MRTFA: variants seen among roughly 807,000 people sequenced by gnomAD.
MRTFA encodes the protein myocardin related transcription factor A, also known as myocardin-related transcription factor A.
MRTFA carries 20 observed loss-of-function variants against 83.5 expected under a neutral mutation model. The ratio of observed to expected loss-of-function variants is 0.24; its 90% CI spans 0.17 to 0.35. MRTFA has a LOEUF of 0.35. Ranked by LOEUF, MRTFA falls within the 10% of genes least tolerant of loss-of-function variation. MRTFA has a pLI of 1.00. For synonymous variants in MRTFA, 659 were observed against 541.2 expected, an observed-to-expected ratio of 1.22 and a Z score of -3.02; for missense variants, 1,200 against 1,224.7, an observed-to-expected ratio of 0.98 and a Z score of 0.30.
At chr22:40,635,200 A>G (rs1242739842) in intron 1 of MRTFA, among the ~76,000 whole-genome samples, 1 of 152,222 alleles carries the variant, frequency 6.6e-6, no homozygotes, top group Non-Finnish European at 1.5e-5. Flanking sequence ...CCCACCCTGC[A>G]GTCATAGGGC....
intron 3 of MRTFA, among the ~76,000 whole-genome samples, chr22:40,495,158 G>A (rs1179071693): frequency 6.6e-6 from 1 of 151,840 alleles, no homozygotes; most frequent in African/African-American, 2.4e-5. Flanking sequence ...AGGATTGCTT[G>A]AGCCCAGGAG....
intron 2 of MRTFA, among the ~76,000 whole-genome samples, chr22:40,579,503 A>G (rs1888122033): frequency 6.6e-6 from 1 of 152,202 alleles, no homozygotes; most frequent in African/African-American, 2.4e-5. Context: ...AAGTATGTAT[A>G]AAGAACATCT....
chr22:40,478,894 A>G (rs2054043244), intron 3 of MRTFA, among the ~76,000 whole-genome samples: 1 of 152,076 alleles, frequency 6.6e-6, no homozygotes, highest in South Asian at 2.1e-4. Context: ...TTCCACACAC[A>G]ATGCCCCTTT....
chr22:40,523,102 C>T (rs879000537), intron 3 of MRTFA: 1 of 150,234 alleles, frequency 6.7e-6, no homozygotes, highest in African/African-American at 2.5e-5. Flanking sequence ...TTTGTTCTTT[C>T]TTTGAAAAAT....
chr22:40,530,491 T>C (rs1363641564), intron 3 of MRTFA, among the ~76,000 whole-genome samples: 1 of 152,226 alleles, frequency 6.6e-6, no homozygotes, highest in Non-Finnish European at 1.5e-5. Flanking sequence ...GAGATGGGGT[T>C]TCACCATGTT....
At chr22:40,556,473 C>G (rs1046243462) in intron 2 of MRTFA, among the ~76,000 whole-genome samples, 1 of 151,946 alleles carries the variant, frequency 6.6e-6, no homozygotes, top group Non-Finnish European at 1.5e-5. Context: ...AAAAAAGATA[C>G]TAAGGACTCT....
At chr22:40,530,663 G>A (rs1324744852) in intron 3 of MRTFA, among the ~76,000 whole-genome samples, 2 of 152,230 alleles carry the variant, frequency 1.3e-5, no homozygotes, top group Non-Finnish European at 2.9e-5. Context: ...CCATAGTAGT[G>A]AGAAAAGCTC....
intron 3 of MRTFA, among the ~76,000 whole-genome samples, chr22:40,499,081 A>C (rs1679237912): frequency 6.6e-6 from 1 of 152,200 alleles, no homozygotes; most frequent in Admixed American, 6.5e-5. Flanking sequence ...AGGGTAGAAA[A>C]AAAGGGAAAG....
chr22:40,525,387 G>A (rs973166874), intron 3 of MRTFA, among the ~76,000 whole-genome samples: 3 of 151,932 alleles, frequency 2.0e-5, no homozygotes, highest in African/African-American at 4.8e-5. Context: ...TGAACTCCTG[G>A]GTTAGACAGG....
At chr22:40,476,612 C>A (rs538519288) in intron 3 of MRTFA, among the ~76,000 whole-genome samples, 19 of 152,212 alleles carry the variant, frequency 1.2e-4, no homozygotes, top group South Asian at 8.3e-4. Context: ...CAGGCACGCA[C>A]CACCACAAAT....
At chr22:40,591,908 T>C (rs2056126066) in intron 2 of MRTFA, among the ~76,000 whole-genome samples, 1 of 152,216 alleles carries the variant, frequency 6.6e-6, no homozygotes. Context: ...TATCTCCAGG[T>C]AATTCTGCTG....
chr22:40,609,109 G>A (rs2056353726), intron 1 of MRTFA, among the ~76,000 whole-genome samples: 1 of 151,932 alleles, frequency 6.6e-6, no homozygotes, highest in African/African-American at 2.4e-5. Flanking sequence ...TGGCCAACAT[G>A]GTGAAACCCC....
intron 2 of MRTFA, among the ~76,000 whole-genome samples, chr22:40,570,858 T>C (rs2147344443): frequency 6.6e-6 from 1 of 151,638 alleles, no homozygotes; most frequent in South Asian, 2.1e-4. Context: ...AGTGTTATTT[T>C]ACTTTCTTTG....
intron 3 of MRTFA, among the ~76,000 whole-genome samples, chr22:40,502,151 C>G (rs1421812445): frequency 7.9e-6 from 1 of 127,386 alleles, no homozygotes; most frequent in Non-Finnish European, 1.7e-5. Flanking sequence ...GCTGGCCGGG[C>G]GGGGGGCTGA....
chr22:40,636,120 A>G (rs913841325), intron 1 of MRTFA, among the ~76,000 whole-genome samples: 35 of 152,352 alleles, frequency 2.3e-4, no homozygotes, highest in African/African-American at 8.4e-4. Context: ...AAGACCCCAG[A>G]GAAAGCGGCC....
At chr22:40,505,814 T>A (rs2054570573) in intron 3 of MRTFA, among the ~76,000 whole-genome samples, 1 of 152,196 alleles carries the variant, frequency 6.6e-6, no homozygotes, top group African/African-American at 2.4e-5. Flanking sequence ...CTTCTCAGCC[T>A]CTAGAACTAT....
intron 1 of MRTFA, among the ~76,000 whole-genome samples, chr22:40,613,566 G>C (rs886979753): frequency 6.6e-6 from 1 of 151,938 alleles, no homozygotes; most frequent in Non-Finnish European, 1.5e-5. Context: ...GTTTTAATTT[G>C]TATTTCTGTC....
intron 3 of MRTFA, among the ~76,000 whole-genome samples, chr22:40,535,154 T>C (rs2055146171): frequency 6.6e-6 from 1 of 152,086 alleles, no homozygotes. Context: ...AGCAGAAGCA[T>C]CTCACTGGCC....
chr22:40,634,318 C>G (rs902876848), intron 1 of MRTFA, among the ~76,000 whole-genome samples: 1 of 152,186 alleles, frequency 6.6e-6, no homozygotes, highest in African/African-American at 2.4e-5. Flanking sequence ...AACTCGAACT[C>G]CTGGCCTCAA....
Sources: allele counts gnomAD v4.1 joint callset (sites outside exome capture counted in the v4.1 genomes callset), GRCh38; gene constraint gnomAD v4.1.1; transcripts MANE v1.5; gene names NCBI Gene and HGNC (gene_info 2026-07-23, HGNC 2026-07-21).